The following GMEB1 variants were observed in gnomAD, a reference collection of about 807,000 sequenced individuals.
GMEB1 encodes the protein glucocorticoid modulatory element-binding protein 1.
GMEB1 carries 6 observed loss-of-function variants against 52.4 expected under a neutral mutation model. The ratio of observed to expected loss-of-function variants is 0.11; its 90% CI spans 0.06 to 0.23. GMEB1 has a LOEUF of 0.23. Ranked by LOEUF, GMEB1 falls within the 10% of genes least tolerant of loss-of-function variation. The pLI, the probability that GMEB1 is intolerant of heterozygous loss-of-function variation, is 1.00. For synonymous variants in GMEB1, 255 were observed against 244.9 expected (o/e 1.04, Z -0.38); for missense variants, 486 against 685.6 (o/e 0.71, Z 3.25).
Position 28,688,653 on chromosome 1 carries a change from A to G in GMEB1, c.129-1451A>G, listed in dbSNP as rs146651607. ...CTTCCACTAGGCTTTGCTCGTGTCAATAGTTTGGTTATGGTACCTTAAAAG... is the reference window on the plus strand; with the variant it reads ...CTTCCACTAGGCTTTGCTCGTGTCAGTAGTTTGGTTATGGTACCTTAAAAG... On this transcript the variant is annotated intron_variant, in intron 2 of 9. Transcript: ENST00000373816. Among the ~76,000 whole-genome samples, 1,188 of 152,090 alleles carry G rather than the reference A, an allele frequency of 7.8e-3. 10 individuals are homozygous for G. The highest frequency in any genetic ancestry group is 0.025 in the African/African-American group (1,043 of 41,498).
chr1:28,706,337 G>T (rs1670763447), intron 8 of GMEB1, among the ~76,000 whole-genome samples: 1 of 152,012 alleles, frequency 6.6e-6, no homozygotes, highest in African/African-American at 2.4e-5. Flanking sequence ...AGGCGTTGTG[G>T]CTCACGCCTG....
intron 8 of GMEB1, among the ~76,000 whole-genome samples, chr1:28,707,264 G>T (rs1670828552): frequency 6.6e-6 from 1 of 152,088 alleles, no homozygotes; most frequent in Admixed American, 6.6e-5. Context: ...TTACAGGCGC[G>T]AGCCACTGTG....
chr1:28,699,026 C>A (rs1316268055), intron 6 of GMEB1, among the ~76,000 whole-genome samples: 2 of 152,078 alleles, frequency 1.3e-5, no homozygotes, highest in Admixed American at 6.6e-5. Context: ...TAGTGGTCAA[C>A]ACAAGAGGTA....
At chr1:28,697,780 G>A (rs1344222345) in intron 6 of GMEB1, among the ~76,000 whole-genome samples, 2 of 152,220 alleles carry the variant, frequency 1.3e-5, no homozygotes. Flanking sequence ...ATGCTCTGCA[G>A]GCTAGGCGTG....
intron 6 of GMEB1, among the ~76,000 whole-genome samples, chr1:28,701,339 G>A (rs1570423891): frequency 1.4e-5 from 2 of 146,038 alleles, no homozygotes; most frequent in East Asian, 2.1e-4. Flanking sequence ...GCGCGATCTC[G>A]GCTCACTGCA....
intron 6 of GMEB1, among the ~76,000 whole-genome samples, chr1:28,700,058 C>CAAAAAAAA (rs34231884): frequency 1.6e-5 from 1 of 61,136 alleles, no homozygotes. Context: ...GACCCTGTCT[C>CAAAAAAAA]AAAAAAAAAA....
chr1:28,697,162 CATAT>C (rs71586855), intron 6 of GMEB1, 78 bp downstream of exon 6: 1,814 of 148,904 alleles, frequency 0.012, 24 homozygotes, highest in African/African-American at 0.023. Context: ...CTTGTGTGTA[CATAT>C]ATATATATAT....
Position 28,700,642 on chromosome 1 carries a change from G to A in GMEB1, c.599-1796G>A, listed in dbSNP as rs1354283946. Among the ~76,000 whole-genome samples the A allele has an allele frequency of 7.3e-5, 11 of 150,702 alleles. No individual in the cohort carries two copies. In the Admixed American group the frequency reaches 7.3e-4, roughly 10 times the overall value. On this transcript the variant is annotated intron_variant, in intron 6 of 9. Transcript: ENST00000373816. The stretch of plus-strand genomic sequence containing the variant: ...GGAGACTGCCGTGAGCCGAGATCAT[G>A]CCACTGTACTTCAGCCTGGGCAACA...
chr1:28,674,249 G>A (rs755798160), intron 1 of GMEB1, among the ~76,000 whole-genome samples: 8 of 151,978 alleles, frequency 5.3e-5, no homozygotes, highest in Non-Finnish European at 7.4e-5. Flanking sequence ...TGAGGTGGGA[G>A]GATCACTTGA....
At chr1:28,705,604 C>T (rs1670715259) in intron 8 of GMEB1, among the ~76,000 whole-genome samples, 1 of 151,462 alleles carries the variant, frequency 6.6e-6, no homozygotes, top group African/African-American at 2.4e-5. Flanking sequence ...CGCATGCCAC[C>T]ACACCCAGCT....
chr1:28,673,877 G>A (rs1669013974), intron 1 of GMEB1, among the ~76,000 whole-genome samples: 1 of 152,146 alleles, frequency 6.6e-6, no homozygotes, highest in South Asian at 2.1e-4. Flanking sequence ...TAGGCCAGGC[G>A]TGGTGTCTCA....
chr1:28,682,489 C>T (rs754152734), intron 1 of GMEB1, among the ~76,000 whole-genome samples: 10 of 151,882 alleles, frequency 6.6e-5, no homozygotes, highest in African/African-American at 1.4e-4. Context: ...GTGGTAGTGG[C>T]GCACACCTGT....
chr1:28,679,747 C>G (rs1490137289), intron 1 of GMEB1, among the ~76,000 whole-genome samples: 1 of 151,954 alleles, frequency 6.6e-6, no homozygotes, highest in African/African-American at 2.4e-5. Flanking sequence ...AATTTATATC[C>G]CTCCCAGATA....
In GMEB1 at chr1:28,710,563, G is replaced by C; in HGVS notation, c.912G>C (p.Met304Ile). Residue 304 changes from methionine to isoleucine, a missense_variant, in exon 9 of 10, where the codon ATG (methionine) becomes ATC (isoleucine). By Grantham distance (10) the Met-to-Ile change is conservative. Around this residue, in one of 5 missense-constraint regions of GMEB1, gnomAD observed 200 missense variants for 253.5 expected, o/e 0.79. Coordinates refer to ENST00000373816, the MANE Select transcript of GMEB1 (RefSeq NM_001319674.2). ...ATGTAGCACACACATTTGGCCTAATGGACACAGTCAAGAAGGTTTTAGACA... is the reference window on the plus strand; with the variant it reads ...ATGTAGCACACACATTTGGCCTAATCGACACAGTCAAGAAGGTTTTAGACA... ...LNNVAHTFGL[M>I]DTVKKVLDNR... is the part of the protein sequence containing the mutation. The C allele has an allele frequency of 3.7e-6, 6 of 1,610,746 alleles. No individual in the cohort carries two copies. The highest frequency in any genetic ancestry group is 5.1e-6 in the Non-Finnish European group (6 of 1,178,248).
Position 28,706,977 on chromosome 1 carries a change from GT to G in GMEB1, c.868+2673del, listed in dbSNP as rs1237383046. Among the ~76,000 whole-genome samples, 761 of 82,756 alleles carry G rather than the reference GT, an allele frequency of 9.2e-3. 1 individual carries two copies. Among genetic ancestry groups the G allele is most frequent in the African/African-American group, 0.036 (635 of 17,638 alleles). 54.3% of individuals were successfully genotyped at this position (82,756 alleles called of 152,430 possible). On this transcript the variant is annotated intron_variant, in intron 8 of 9. Transcript: ENST00000373816. ...CCACCATGCCTGTCCTCCAGATTTG[GT>G]TTTTTTTTTTTTTTTTTTTTTTTTG... is the stretch of plus-strand genomic sequence containing the variant.
intron 8 of GMEB1, among the ~76,000 whole-genome samples, chr1:28,704,629 G>A (rs1355862105): frequency 1.3e-5 from 2 of 150,546 alleles, no homozygotes; most frequent in African/African-American, 2.4e-5. Context: ...TTTTTGAGAC[G>A]GAGTCTCGCT....
intron 1 of GMEB1, among the ~76,000 whole-genome samples, chr1:28,682,331 T>C (rs1165954702): frequency 2.6e-5 from 4 of 151,996 alleles, no homozygotes; most frequent in Non-Finnish European, 2.9e-5. Flanking sequence ...CAAAGAGTTA[T>C]TAAGAAGTCC....
At chr1:28,681,845 G>A (rs1360852835) in intron 1 of GMEB1, among the ~76,000 whole-genome samples, 1 of 151,994 alleles carries the variant, frequency 6.6e-6, no homozygotes, top group Non-Finnish European at 1.5e-5. Flanking sequence ...TCAGATTACA[G>A]GCATGTACCA....
At chr1:28,678,591 G>A (rs979797382) in intron 1 of GMEB1, among the ~76,000 whole-genome samples, 12 of 151,912 alleles carry the variant, frequency 7.9e-5, no homozygotes, top group Non-Finnish European at 1.0e-4. Context: ...TTACAGGTGC[G>A]AGCCACCGCG....
Sources: gnomAD v4.1 joint callset for allele counts (sites outside exome capture counted in the v4.1 genomes callset) on GRCh38, gnomAD v4.1.1 for gene constraint, gnomAD v4.1.1 regional missense constraint, MANE v1.5 for transcripts, NCBI Gene and HGNC (gene_info 2026-07-23, HGNC 2026-07-21) for gene names.